Variants in TTC21B observed in about 807,000 individuals in gnomAD.
TTC21B encodes the protein tetratricopeptide repeat domain 21B.
TTC21B carries 127 observed loss-of-function variants against 175.1 expected under a neutral mutation model. That is an observed-to-expected ratio of 0.73 (90% CI 0.63 to 0.84). TTC21B has a LOEUF of 0.84. TTC21B is among the 40% of genes least tolerant of loss of function. The pLI, the probability that TTC21B is intolerant of heterozygous loss-of-function variation, is 0.00. For missense variants in TTC21B, 1,561 were observed against 1,558.3 expected (o/e 1.00, Z -0.03); for synonymous variants, 524 against 524.5 (o/e 1.00, Z 0.01).
At chr2:165,896,131 A>T (rs62177809) in intron 22 of TTC21B, among the ~76,000 whole-genome samples, 143,808 of 152,142 alleles carry the variant, frequency 0.95, 68,504 homozygotes, top group East Asian at 1. Context: ...CTCTGAGCAC[A>T]GATGCCTAGG....
chr2:165,927,246 T>TTATA (rs367730373), intron 11 of TTC21B, among the ~76,000 whole-genome samples: 32 of 2,296 alleles, frequency 0.014, 2 homozygotes, highest in African/African-American at 0.03. Flanking sequence ...ATCCTAGTAG[T>TTATA]TATATATATA....
chr2:165,925,219 C>G (rs1686583935), intron 11 of TTC21B, among the ~76,000 whole-genome samples: 1 of 152,064 alleles, frequency 6.6e-6, no homozygotes, highest in South Asian at 2.1e-4. Flanking sequence ...CTTTACATTC[C>G]CCACTCTTCA....
intron 19 of TTC21B, among the ~76,000 whole-genome samples, chr2:165,907,263 T>G (rs1168827241): frequency 6.6e-6 from 1 of 151,860 alleles, no homozygotes; most frequent in African/African-American, 2.4e-5. Flanking sequence ...AATCAGAAAC[T>G]GAATCATCAT....
rs149886037 is a variant in TTC21B at position 165,951,181 on chromosome 2, C to T, written c.22-1457G>A. 1.1e-4 allele frequency among the ~76,000 whole-genome samples: 17 copies of T among 152,292 alleles called. No homozygotes were observed. In the East Asian group the frequency reaches 1.5e-3, roughly 14 times the overall value. ...TCTTACTTTGCCACAACTAAGGACA[C>T]GTTTAATACCTTACTTGACTTCTGC... On this transcript the variant is annotated intron_variant, in intron 1 of 28. Transcript: ENST00000243344.
rs78437728 is a variant in TTC21B at position 165,930,876 on chromosome 2, T to G, written c.895-512A>C. 3.7e-4 allele frequency among the ~76,000 whole-genome samples: 56 copies of G among 151,790 alleles called. 1 individual carries two copies. The highest frequency in any genetic ancestry group is 1.3e-3 in the Admixed American group (19 of 15,192). ...GAGAATATTTTAAAAGCTCATGCCT[T>G]AGAATCTTCTTGAAAAAAATTTCAA... On this transcript the variant is annotated intron_variant, in intron 8 of 28. Coordinates refer to ENST00000243344, the MANE Select transcript of TTC21B (RefSeq NM_024753.5).
At chr2:165,878,755 C>T (rs1268150097) in intron 27 of TTC21B, among the ~76,000 whole-genome samples, 1 of 144,608 alleles carries the variant, frequency 6.9e-6, no homozygotes, top group Non-Finnish European at 1.5e-5. Flanking sequence ...GATCTCGGCT[C>T]ACTGCAACCT....
At chr2:165,897,914 C>T (rs369509878) in intron 22 of TTC21B, among the ~76,000 whole-genome samples, 4 of 152,230 alleles carry the variant, frequency 2.6e-5, no homozygotes, top group South Asian at 2.1e-4. Flanking sequence ...CAGGTCAAGT[C>T]GGCAGAGAAC....
At position 165,953,717 on chromosome 2, in the gene TTC21B, G is replaced by A. The variant is rs780411723; in HGVS notation, c.-12C>T. The stretch of plus-strand genomic sequence containing the variant: ...TCCTGCGAGTCCATGGCTGCCCCGA[G>A]GCCGGGCCGCGGGGCTCTGGGGATT... On this transcript the variant is annotated 5_prime_UTR_variant, in exon 1 of 29. Coordinates refer to ENST00000243344, the MANE Select transcript of TTC21B (RefSeq NM_024753.5). 2.2e-5 allele frequency: 33 copies of A among 1,532,926 alleles called. No homozygotes were observed. The highest frequency in any genetic ancestry group is 3.4e-4 in the Middle Eastern group (2 of 5,838). The allele number at this position is 1,532,926 out of a possible 1,614,324, so 95.0% of individuals were successfully genotyped here.
At position 165,929,213 on chromosome 2, in the gene TTC21B, G is replaced by A; in HGVS notation, c.1308C>T (p.Gly436=). Residue 436 remains glycine (G), a synonymous_variant, in exon 11 of 29, where the codon GGC becomes GGT. Transcript: ENST00000243344. ...GATTTAGCTTTTCAAAATACTGTAT[G>A]CCAAGAGGCAAACCTTCTAATTGTG... ...HFSQLEGLPL[G]IQYFEKLNPD... 2 of 1,613,010 alleles carry A rather than the reference G, an allele frequency of 1.2e-6. No individual in the cohort carries two copies. The highest frequency in any genetic ancestry group is 1.7e-6 in the Non-Finnish European group (2 of 1,179,344).
chr2:165,901,184 G>A (rs1182301123), intron 20 of TTC21B, among the ~76,000 whole-genome samples: 1 of 151,836 alleles, frequency 6.6e-6, no homozygotes, highest in Non-Finnish European at 1.5e-5. Flanking sequence ...TTACAGGCAT[G>A]AGCCATTGCA....
At chr2:165,918,283 G>A (rs996902492) in intron 13 of TTC21B, among the ~76,000 whole-genome samples, 1 of 152,076 alleles carries the variant, frequency 6.6e-6, no homozygotes, top group African/African-American at 2.4e-5. Flanking sequence ...ATCATAAGAA[G>A]CAGGTGATAT....
rs748344872 is a variant in TTC21B at position 165,917,414 on chromosome 2, T to C, written c.1742A>G (p.Asp581Gly). The stretch of plus-strand genomic sequence containing the variant: ...TGCCATATGCAGTGTTTTAATTGCG[T>C]CTGCTATTTCTCCCATTTTCTTTTG... ...QSQKKMGEIA[D>G]AIKTLHMAMS... Residue 581 changes from aspartate to glycine, a missense_variant, in exon 14 of 29, where the codon GAC (aspartate) becomes GGC (glycine). By Grantham distance (94) the Asp-to-Gly change is moderately conservative. Coordinates refer to ENST00000243344, the MANE Select transcript of TTC21B (RefSeq NM_024753.5). 1 of 1,614,166 alleles carries C rather than the reference T, an allele frequency of 6.2e-7. No homozygotes were observed. The highest frequency in any genetic ancestry group is 8.5e-7 in the Non-Finnish European group (1 of 1,180,026).
At chr2:165,890,313 C>T (rs960935836) in intron 24 of TTC21B, among the ~76,000 whole-genome samples, 166 bp downstream of exon 24, 4 of 152,138 alleles carry the variant, frequency 2.6e-5, no homozygotes, top group African/African-American at 9.7e-5. Context: ...ATTCAATTTG[C>T]TAAAATAACT....
chr2:165,915,501 G>A, intron 14 of TTC21B, 62 bp from the exon 15 acceptor site: 2 of 1,238,868 alleles, frequency 1.6e-6, no homozygotes, highest in Non-Finnish European at 2.4e-6. Flanking sequence ...CACTAGAAAG[G>A]GAGATTTTCT....
rs560412882 is a variant in TTC21B at position 165,932,942 on chromosome 2, T to C, written c.795+31A>G. 162 of 1,572,354 alleles carry C rather than the reference T, an allele frequency of 1.0e-4. 2 individuals carry two copies. In the South Asian group the frequency reaches 1.7e-3, roughly 17 times the overall value. On this transcript the variant is annotated intron_variant, in intron 7 of 28. Coordinates refer to ENST00000243344, the MANE Select transcript of TTC21B (RefSeq NM_024753.5). ...GTGTAATGAAATATATTTTTTAATA[T>C]AGGAAACTTAAATAATACAATGCCA...
chr2:165,951,926 G>C (rs1687773418), intron 1 of TTC21B, among the ~76,000 whole-genome samples: 1 of 152,138 alleles, frequency 6.6e-6, no homozygotes, highest in Non-Finnish European at 1.5e-5. Context: ...AAAATCAAGG[G>C]AAAGATTATT....
chr2:165,949,605 TG>T lies in TTC21B; in HGVS notation c.140del (p.Thr47AsnfsTer2), dbSNP rs1409684471. ...ATGATTAACACGTACCTTCCATTAATGTGCCATAGGCATGATAAAACCTGAA... is the reference window on the plus strand; with the variant it reads ...ATGATTAACACGTACCTTCCATTAATTGCCATAGGCATGATAAAACCTGAA... Reference protein sequence around the residue: ...PVFRFYHAYGTLMEGKTQEAL... With the variant: ...PVFRFYHAYGXLMEGKTQEAL... On this transcript the variant is annotated frameshift_variant, in exon 2 of 29. Transcript: ENST00000243344. LOFTEE classifies it high-confidence loss of function. 1 of 1,613,712 alleles carries T rather than the reference TG, an allele frequency of 6.2e-7. No homozygotes were observed. Among genetic ancestry groups the T allele is most frequent in the Non-Finnish European group, 8.5e-7 (1 of 1,179,886 alleles).
At chr2:165,943,560 A>C (rs542976024) in intron 4 of TTC21B, among the ~76,000 whole-genome samples, 13 of 152,186 alleles carry the variant, frequency 8.5e-5, no homozygotes, top group Non-Finnish European at 1.9e-4. Context: ...CATTACTATT[A>C]AGCTCAATAT....
intron 8 of TTC21B, among the ~76,000 whole-genome samples, chr2:165,930,732 GGTGTGT>G: frequency 0.51 from 57,415 of 113,014 alleles, 13,906 homozygotes; most frequent in Middle Eastern, 0.62. Flanking sequence ...TGGGTATGGG[GGTGTGT>G]GTGTGTGTGT....
Sources: allele counts gnomAD v4.1 joint callset (sites outside exome capture counted in the v4.1 genomes callset), GRCh38; gene constraint gnomAD v4.1.1; transcripts MANE v1.5; gene names NCBI Gene and HGNC (gene_info 2026-07-23, HGNC 2026-07-21).